SEC22B: variants seen among roughly 807,000 people sequenced by gnomAD.
SEC22B encodes the protein SEC22 homolog B, vesicle trafficking protein.
SEC22B carries 10 observed loss-of-function variants against 31.4 expected under a neutral mutation model. The observed-to-expected ratio is 0.32, with a 90% CI of 0.20 to 0.54. The LOEUF is 0.54. SEC22B is among the 20% of genes least tolerant of loss of function. SEC22B has a pLI of 0.94. For synonymous variants in SEC22B, 60 were observed against 95.9 expected (o/e 0.63, Z 2.19); for missense variants, 130 against 263.4 (o/e 0.49, Z 3.50).
chr1:120,157,815 T>C (rs1657654105), intron 4 of SEC22B: 1 of 151,864 alleles, frequency 6.6e-6, no homozygotes, highest in Admixed American at 6.6e-5. Flanking sequence ...TACTATGAAG[T>C]TAAAGCTATC....
intron 2 of SEC22B, among the ~76,000 whole-genome samples, 194 bp from the exon 3 acceptor site, chr1:120,163,564 GTA>G (rs1473558282): frequency 7.7e-6 from 1 of 129,226 alleles, no homozygotes; most frequent in African/African-American, 4.3e-5. Context: ...ATTATTAGAT[GTA>G]TATTCTTTTT....
intron 2 of SEC22B, among the ~76,000 whole-genome samples, chr1:120,164,775 C>A (rs1432495724): frequency 3.9e-5 from 6 of 151,936 alleles, no homozygotes; most frequent in Non-Finnish European, 8.8e-5. Flanking sequence ...TGGATATAAA[C>A]CCATTAATGG....
At chr1:120,165,711 T>C (rs1657794190) in intron 2 of SEC22B, among the ~76,000 whole-genome samples, 1 of 152,128 alleles carries the variant, frequency 6.6e-6, no homozygotes, top group African/African-American at 2.4e-5. Context: ...ATTTGTCTAC[T>C]TTCTTTTCTG....
In SEC22B at chr1:120,160,500, T is replaced by C; in HGVS notation, c.377A>G (p.Tyr126Cys). The change falls in exon 4 of 5, where the codon TAC becomes TGC. Residue 126 changes from tyrosine (Y) to cysteine (C), a missense_variant. Around this residue, in one of 4 missense-constraint regions of SEC22B, gnomAD observed 53 missense variants for 63.3 expected, o/e 0.84. Coordinates refer to ENST00000578049, the MANE Select transcript of SEC22B (RefSeq NM_004892.6). ...ATTTCTTCGAGCACGACTGTCAATG[T>C]AGAGCTTCTTGGTTTTCTGAATGAA... ...DTFIQKTKKL[Y>C]IDSRARRNLG... is the part of the protein sequence containing the mutation. The C allele has an allele frequency of 6.3e-7, 1 of 1,599,042 alleles. No homozygotes were observed. Among genetic ancestry groups the C allele is most frequent in the South Asian group, 1.1e-5 (1 of 88,474 alleles).
Position 120,160,539 on chromosome 1 carries a change from A to G in SEC22B, c.347-9T>C. 6.4e-7 allele frequency: 1 copy of G among 1,558,754 alleles called. No homozygotes were observed. Reference sequence around the variant, plus strand: ...TTTCTGAATGAAAGTATCTAGAATGATGAAGAAAACTGACCATTTCTTTCA... The same window carrying G: ...TTTCTGAATGAAAGTATCTAGAATGGTGAAGAAAACTGACCATTTCTTTCA... On this transcript the variant is annotated splice_polypyrimidine_tract_variant and intron_variant, in intron 3 of 4. Coordinates refer to ENST00000578049, the MANE Select transcript of SEC22B (RefSeq NM_004892.6).
At chr1:120,172,242 A>T (rs1304841678) in intron 1 of SEC22B, among the ~76,000 whole-genome samples, 1 of 69,068 alleles carries the variant, frequency 1.4e-5, no homozygotes, top group Non-Finnish European at 2.7e-5. Context: ...CTCCATCTCA[A>T]AAAAAAAAAA....
At chr1:120,170,799 A>G (rs1657883776) in intron 1 of SEC22B, among the ~76,000 whole-genome samples, 1 of 148,646 alleles carries the variant, frequency 6.7e-6, no homozygotes. Context: ...GAATACTGTC[A>G]TATGCTTTTA....
intron 2 of SEC22B, among the ~76,000 whole-genome samples, chr1:120,167,363 C>CT (rs1657829073): frequency 6.6e-6 from 1 of 151,974 alleles, no homozygotes; most frequent in South Asian, 2.1e-4. Flanking sequence ...ATGCTAGGTT[C>CT]TTTACATATT....
rs1657573437 is a variant in SEC22B at position 120,153,172 on chromosome 1, T to C, written c.*3866A>G. On this transcript the variant is annotated 3_prime_UTR_variant, in exon 5 of 5. Coordinates refer to ENST00000578049, the MANE Select transcript of SEC22B (RefSeq NM_004892.6). Reference sequence around the variant, plus strand: ...TAAGAATAGGATGTGAGATTCAATATGCTCATTCTATCTCAAACTCTGTCA... The same window carrying C: ...TAAGAATAGGATGTGAGATTCAATACGCTCATTCTATCTCAAACTCTGTCA... The C allele has an allele frequency of 6.6e-6, 1 of 151,712 alleles. No individual in the cohort carries two copies. 9.4% of individuals were successfully genotyped at this position (151,712 alleles called of 1,614,324 possible). A position where few individuals can be genotyped will look rare whatever the true frequency, so the allele number is the denominator to read the frequency against.
chr1:120,161,695 T>C (rs1657720359), intron 3 of SEC22B, among the ~76,000 whole-genome samples: 1 of 151,862 alleles, frequency 6.6e-6, no homozygotes, highest in Admixed American at 6.6e-5. Flanking sequence ...CGAGACTCTG[T>C]CTCTAAGTAA....
At chr1:120,163,571 C>CTTTTTTTTTTTTTTTTTT (rs1213284888) in intron 2 of SEC22B, among the ~76,000 whole-genome samples, 4 of 102,594 alleles carry the variant, frequency 3.9e-5, no homozygotes, top group African/African-American at 3.2e-4. Flanking sequence ...GATGTATATT[C>CTTTTTTTTTTTTTTTTTT]TTTTTTTTTT....
In SEC22B at chr1:120,176,289, C is replaced by G; in HGVS notation, c.75+18G>C. 6.2e-7 allele frequency: 1 copy of G among 1,605,862 alleles called. No individual in the cohort carries two copies. The highest frequency in any genetic ancestry group is 8.5e-7 in the Non-Finnish European group (1 of 1,178,642). On this transcript the variant is annotated intron_variant, in intron 1 of 4. Coordinates refer to ENST00000578049, the MANE Select transcript of SEC22B (RefSeq NM_004892.6). ...CTGACAGAGACTTGGGGTCGCGGGT[C>G]GTGAGTAAGCAGCTCACCTGTTCGT...
intron 3 of SEC22B, among the ~76,000 whole-genome samples, chr1:120,160,761 C>T (rs1197539793): frequency 3.3e-5 from 5 of 152,016 alleles, no homozygotes; most frequent in Non-Finnish European, 5.9e-5. Flanking sequence ...TGGCGGCACA[C>T]GCCTATAATC....
rs1657969370 is a variant in SEC22B, at chr1:120,176,492, C to T, written c.-111G>A. 2.1e-6 allele frequency: 2 copies of T among 933,750 alleles called. No individual in the cohort carries two copies. Among genetic ancestry groups the T allele is most frequent in the South Asian group, 1.5e-5 (1 of 65,726 alleles). 57.8% of individuals were successfully genotyped at this position (933,750 alleles called of 1,614,324 possible). ...TATGTCTCAGTTACCGGAGATCCAGCTGCTTGCGTCTCCGCTTCCCGCTGA... is the reference window on the plus strand; with the variant it reads ...TATGTCTCAGTTACCGGAGATCCAGTTGCTTGCGTCTCCGCTTCCCGCTGA... On this transcript the variant is annotated 5_prime_UTR_variant, in exon 1 of 5. Coordinates refer to ENST00000578049, the MANE Select transcript of SEC22B (RefSeq NM_004892.6).
chr1:120,166,046 T>G (rs1657801798), intron 2 of SEC22B, among the ~76,000 whole-genome samples: 6 of 151,226 alleles, frequency 4.0e-5, no homozygotes, highest in Non-Finnish European at 8.8e-5. Flanking sequence ...ATGCTCAACA[T>G]CACTAATCTT....
At chr1:120,160,791 A>C (rs1371196440) in intron 3 of SEC22B, among the ~76,000 whole-genome samples, 1 of 152,190 alleles carries the variant, frequency 6.6e-6, no homozygotes, top group African/African-American at 2.4e-5. Flanking sequence ...CAGGAGGCTG[A>C]GCCAGGAGAA....
Position 120,176,385 on chromosome 1 carries a change from C to A in SEC22B, c.-4G>T. The A allele has an allele frequency of 6.2e-7, 1 of 1,613,728 alleles. No homozygotes were observed. The highest frequency in any genetic ancestry group is 1.7e-5 in the Admixed American group (1 of 60,008). On this transcript the variant is annotated 5_prime_UTR_variant, in exon 1 of 5. Coordinates refer to ENST00000578049, the MANE Select transcript of SEC22B (RefSeq NM_004892.6). The stretch of plus-strand genomic sequence containing the variant: ...CGATCATTGTTAGCAACACCATCTT[C>A]ACAAACTACAGGGATCCAACACTGG...
chr1:120,163,571 CTTTTTTTTTTCT>C (rs1446061837), intron 2 of SEC22B, among the ~76,000 whole-genome samples: 3 of 102,604 alleles, frequency 2.9e-5, no homozygotes, highest in Non-Finnish European at 3.5e-5. Flanking sequence ...GATGTATATT[CTTTTTTTTTTCT>C]TTTTTTTTTT....
At chr1:120,172,272 TAGA>T (rs1185238139) in intron 1 of SEC22B, among the ~76,000 whole-genome samples, 1 of 92,412 alleles carries the variant, frequency 1.1e-5, no homozygotes, top group Non-Finnish European at 1.9e-5. Context: ...AAGATGGAAT[TAGA>T]AAAGATTCTT....
Sources: allele counts gnomAD v4.1 joint callset (sites outside exome capture counted in the v4.1 genomes callset), GRCh38; gene constraint gnomAD v4.1.1; regional missense constraint gnomAD v4.1.1; transcripts MANE v1.5; gene names NCBI Gene and HGNC (gene_info 2026-07-23, HGNC 2026-07-21).